BCOR: variants seen among roughly 807,000 people sequenced by gnomAD.
BCOR encodes BCL-6 corepressor.
In BCOR, 10 loss-of-function variants were observed where a neutral mutation model predicts 86.7. The ratio of observed to expected loss-of-function variants is 0.12; its 90% CI spans 0.07 to 0.20. The LOEUF (loss-of-function observed/expected upper bound fraction) is 0.20, where lower values mean the gene tolerates loss of function less well. BCOR is among the 10% of genes least tolerant of loss of function. The pLI is 1.00. For synonymous variants in BCOR, 611 were observed against 609.0 expected, an observed-to-expected ratio of 1.00 and a Z score of -0.05; for missense variants, 1,259 against 1,452.1, an observed-to-expected ratio of 0.87 and a Z score of 2.16.
intron 12 of BCOR, 133 bp from the exon 13 acceptor site, chrX:40,054,466 A>T (rs1245115652): frequency 2.7e-5 from 14 of 512,715 alleles, no homozygotes; most frequent in Non-Finnish European, 3.4e-5. Context: ...CCTCTTTCTC[A>T]GCAAAATAAA....
chrX:40,111,488 CATAGGATTATAAACA>C (rs1343131777), intron 1 of BCOR, among the ~76,000 whole-genome samples: 78 of 112,247 alleles, frequency 6.9e-4, no homozygotes, highest in Admixed American at 4.8e-3. Flanking sequence ...TTTATAACAG[CATAGGATTATAAACA>C]ACCTAAAGAG....
chrX:40,064,443 A>C lies in BCOR; in HGVS notation c.3395T>G (p.Val1132Gly). 8.3e-7 allele frequency: 1 copy of C among 1,211,443 alleles called. No individual in the cohort carries two copies. The highest frequency in any genetic ancestry group is 1.1e-6 in the Non-Finnish European group (1 of 895,400). The change falls in exon 7 of 15, where the codon GTG becomes GGG. Residue 1132 changes from valine to glycine, a missense_variant. This residue lies in a region of BCOR where 305 missense variants were observed against 286.1 expected (regional missense o/e 1.07). Coordinates refer to ENST00000378444, the MANE Select transcript of BCOR (RefSeq NM_001123385.2). The part of the protein sequence containing the change: ...SDMPHSPTLR[V>G]DRKRKVSGDS... Reference sequence around the variant, plus strand: ...ACCTGAGACTTTGCGTTTCCTGTCCACCCGGAGGGTGGGGCTGTGAGGCAT... The same window carrying C: ...ACCTGAGACTTTGCGTTTCCTGTCCCCCCGGAGGGTGGGGCTGTGAGGCAT...
intron 1 of BCOR, among the ~76,000 whole-genome samples, chrX:40,174,977 T>C (rs1054124752): frequency 3.5e-5 from 4 of 113,437 alleles, no homozygotes; most frequent in African/African-American, 1.3e-4. Context: ...CTGGTCCCTC[T>C]GAGAATCCAC....
intron 1 of BCOR, among the ~76,000 whole-genome samples, chrX:40,103,628 G>A (rs1937113433): frequency 9.3e-6 from 1 of 107,989 alleles, no homozygotes; most frequent in South Asian, 3.7e-4. Flanking sequence ...AAGGCCTGGG[G>A]GAAAGAATAA....
At chrX:40,099,447 AG>A (rs2147774216), upstream of BCOR, among the ~76,000 whole-genome samples, 2 of 111,838 alleles carry the variant, frequency 1.8e-5, no homozygotes, top group East Asian at 5.7e-4. Context: ...TATACTGGGA[AG>A]GGGGTGGGGT....
intron 1 of BCOR, among the ~76,000 whole-genome samples, chrX:40,106,745 C>A (rs1937195261): frequency 8.9e-6 from 1 of 112,817 alleles, no homozygotes; most frequent in African/African-American, 3.2e-5. Flanking sequence ...TCTCGTTAAA[C>A]CAAACTTGTG....
At chrX:40,108,190 T>C (rs1224636809) in intron 1 of BCOR, among the ~76,000 whole-genome samples, 1 of 112,042 alleles carries the variant, frequency 8.9e-6, no homozygotes, top group African/African-American at 3.2e-5. Flanking sequence ...CATGTGGAGC[T>C]TCCCAATGCT....
chrX:40,158,435 G>A (rs919327149), intron 1 of BCOR, among the ~76,000 whole-genome samples: 1 of 112,342 alleles, frequency 8.9e-6, no homozygotes, highest in Non-Finnish European at 1.9e-5. Flanking sequence ...CTGCCGGGGG[G>A]CGCTCCCTCC....
intron 3 of BCOR, among the ~76,000 whole-genome samples, chrX:40,076,110 C>T (rs1218609839): frequency 1.8e-5 from 2 of 112,369 alleles, no homozygotes; most frequent in South Asian, 3.7e-4. Flanking sequence ...AGTGACAGTC[C>T]TGTGTTTCGT....
intron 1 of BCOR, among the ~76,000 whole-genome samples, chrX:40,093,370 G>A (rs1272006395): frequency 8.9e-6 from 1 of 111,807 alleles, no homozygotes; most frequent in Non-Finnish European, 1.9e-5. Flanking sequence ...GTAAACAGAG[G>A]ATCCCTTAAG....
chrX:40,132,270 G>C (rs1479695722), intron 1 of BCOR, among the ~76,000 whole-genome samples: 1 of 111,907 alleles, frequency 8.9e-6, no homozygotes, highest in Non-Finnish European at 1.9e-5. Flanking sequence ...GAAGTACCCA[G>C]CTGAGTCCGT....
chrX:40,085,718 TG>T (rs1430160239), intron 1 of BCOR, among the ~76,000 whole-genome samples: 1 of 112,059 alleles, frequency 8.9e-6, no homozygotes, highest in African/African-American at 3.2e-5. Flanking sequence ...TGCCAGGGCT[TG>T]GAAGGCTTCA....
rs187217442 is a variant in BCOR, at chrX:40,076,625, C to G, written c.87-93G>C. 2.0e-5 allele frequency: 14 copies of G among 695,281 alleles called. No individual in the cohort carries two copies. In the East Asian group the frequency reaches 4.6e-4, roughly 23 times the overall value. The allele number at this position is 695,281 out of a possible 1,213,427, so 57.3% of individuals were successfully genotyped here. A position where few individuals can be genotyped will look rare whatever the true frequency, so the allele number is the denominator to read the frequency against. On this transcript the variant is annotated intron_variant, in intron 2 of 14. Transcript: ENST00000378444. ...CAGAACAGACCAGTTTCTACTAACCCAATTTTTAAAACTGTCCTTAACCCT... is the reference window on the plus strand; with the variant it reads ...CAGAACAGACCAGTTTCTACTAACCGAATTTTTAAAACTGTCCTTAACCCT...
intron 1 of BCOR, among the ~76,000 whole-genome samples, chrX:40,160,987 T>A (rs192257398): frequency 6.8e-4 from 73 of 106,765 alleles, no homozygotes; most frequent in South Asian, 1.2e-3. Context: ...TTTTATTTTT[T>A]TTTTTTAATT....
intron 1 of BCOR, among the ~76,000 whole-genome samples, chrX:40,083,458 A>G (rs1263769581): frequency 8.9e-6 from 1 of 112,034 alleles, no homozygotes; most frequent in African/African-American, 3.2e-5. Context: ...GGGAGGGGGA[A>G]GGGGAAACTC....
chrX:40,122,003 GCCATC>G (rs1937493906), intron 1 of BCOR, among the ~76,000 whole-genome samples: 1 of 111,760 alleles, frequency 8.9e-6, no homozygotes, highest in African/African-American at 3.3e-5. Flanking sequence ...TGAAGGTGTA[GCCATC>G]TCATTTCTGC....
At chrX:40,128,321 A>G (rs5963747) in intron 1 of BCOR, among the ~76,000 whole-genome samples, 37,871 of 110,598 alleles carry the variant, frequency 0.34, 7,588 homozygotes, top group African/African-American at 0.76. Context: ...CGAGGCGGGC[A>G]GATCATTTGA....
At position 40,052,122 on chromosome X, in the gene BCOR, T is replaced by C; in HGVS notation, c.5255A>G (p.Asp1752Gly). 8.4e-7 allele frequency: 1 copy of C among 1,197,161 alleles called. No homozygotes were observed. The change falls in exon 15 of 15, where the codon GAC (aspartate) becomes GGC (glycine). Residue 1752 changes from aspartate to glycine, a missense_variant. Transcript: ENST00000378444. ...EWLHPSDLAS[D>G]NYW ...GGTCCAGCTTGCTCACCAGTAGTTG[T>C]CTGAGGCCAGATCACTGGGGTGGAG...
intron 1 of BCOR, among the ~76,000 whole-genome samples, chrX:40,159,370 A>G (rs1938365478): frequency 1.8e-5 from 2 of 112,992 alleles, no homozygotes; most frequent in African/African-American, 6.4e-5. Flanking sequence ...TTTTTGAGAC[A>G]GAGTCTCGCT....
Sources: gnomAD v4.1 joint callset for allele counts (sites outside exome capture counted in the v4.1 genomes callset) on GRCh38, gnomAD v4.1.1 for gene constraint, gnomAD v4.1.1 regional missense constraint, MANE v1.5 for transcripts, NCBI Gene and HGNC (gene_info 2026-07-23, HGNC 2026-07-21) for gene names.